The following NFX1 variants were observed in gnomAD, a reference collection of about 807,000 sequenced individuals.
NFX1 encodes the protein nuclear transcription factor, X-box binding 1.
NFX1 carries 69 observed loss-of-function variants against 137.2 expected under a neutral mutation model. That is an observed-to-expected ratio of 0.50 (90% CI 0.41 to 0.61). NFX1 has a LOEUF of 0.61. Among genes scored for constraint, NFX1 ranks in the 20% least tolerant of loss-of-function variants. The pLI, the probability that NFX1 is intolerant of heterozygous loss-of-function variation, is 0.00. For missense variants in NFX1, 1,167 were observed against 1,391.0 expected, an observed-to-expected ratio of 0.84 and a Z score of 2.56; for synonymous variants, 495 against 474.1, an observed-to-expected ratio of 1.04 and a Z score of -0.57.
intron 4 of NFX1, among the ~76,000 whole-genome samples, chr9:33,306,917 G>A (rs1298731340): frequency 2.6e-5 from 4 of 151,960 alleles, no homozygotes; most frequent in South Asian, 2.1e-4. Flanking sequence ...TAAATTAAAC[G>A]TTTCCATTAG....
chr9:33,361,441 G>A (rs184515498), intron 19 of NFX1, among the ~76,000 whole-genome samples: 17 of 151,998 alleles, frequency 1.1e-4, no homozygotes, highest in African/African-American at 4.1e-4. Context: ...TTTTGGGGGG[G>A]TGAGACAATT....
intron 4 of NFX1, among the ~76,000 whole-genome samples, chr9:33,304,096 G>A (rs956637312): frequency 6.6e-6 from 1 of 152,050 alleles, no homozygotes; most frequent in Non-Finnish European, 1.5e-5. Context: ...GTGAAACCCC[G>A]TCTCTACTAA....
chr9:33,347,620 A>C (rs1823473295), intron 15 of NFX1: 1 of 333,664 alleles, frequency 3.0e-6, no homozygotes, highest in Non-Finnish European at 6.0e-6. Context: ...AAAACTGTGG[A>C]GATTCCTTAA....
intron 11 of NFX1, among the ~76,000 whole-genome samples, chr9:33,336,521 G>C (rs1487886059): frequency 6.6e-6 from 1 of 151,856 alleles, no homozygotes; most frequent in Non-Finnish European, 1.5e-5. Flanking sequence ...CCATTTTTGG[G>C]GCTTTTTAAA....
At chr9:33,336,892 A>G (rs927013562) in intron 11 of NFX1, among the ~76,000 whole-genome samples, 7 of 152,204 alleles carry the variant, frequency 4.6e-5, no homozygotes, top group Non-Finnish European at 1.0e-4. Context: ...ACTTGAGGTC[A>G]GGAGTTCAAG....
In NFX1 at chr9:33,295,096, A is replaced by G; in HGVS notation, c.702A>G (p.Arg234=). 6.2e-7 allele frequency: 1 copy of G among 1,614,144 alleles called. No individual in the cohort carries two copies. The highest frequency in any genetic ancestry group is 8.5e-7 in the Non-Finnish European group (1 of 1,180,022). Residue 234 remains arginine, a synonymous_variant, in exon 2 of 24, where the codon AGA becomes AGG. Coordinates refer to ENST00000379540, the MANE Select transcript of NFX1 (RefSeq NM_002504.6). The part of the protein sequence containing the change: ...RKGVLDGYGA[R]RNEQRRYPQK... ...GAGTATTGGATGGGTATGGAGCCAG[A>G]CGAAATGAGCAGAGAAGATACCCAC...
At chr9:33,344,845 A>G (rs1233307661) in intron 14 of NFX1, among the ~76,000 whole-genome samples, 1 of 150,952 alleles carries the variant, frequency 6.6e-6, no homozygotes, top group Non-Finnish European at 1.5e-5. Context: ...CAGCCTGGCG[A>G]CAGACCAAGA....
intron 15 of NFX1, 79 bp downstream of exon 15, chr9:33,347,196 G>A (rs949665455): frequency 1.9e-5 from 21 of 1,099,200 alleles, no homozygotes; most frequent in Middle Eastern, 2.0e-4. Flanking sequence ...TAGTCTCATC[G>A]TCTGTCAAAG....
chr9:33,345,707 T>C (rs1237068322), intron 14 of NFX1, among the ~76,000 whole-genome samples: 2 of 152,164 alleles, frequency 1.3e-5, no homozygotes, highest in Non-Finnish European at 2.9e-5. Flanking sequence ...CTTGTAAGTA[T>C]TTTTTTACAA....
Position 33,354,835 on chromosome 9 carries a change from TC to T in NFX1, c.2832-15del, listed in dbSNP as rs1385377777. On this transcript the variant is annotated splice_polypyrimidine_tract_variant and intron_variant, in intron 18 of 23. Transcript: ENST00000379540. ...TCTGTATTCTGACTTTAATTTTTTTTCATTTGCTTATCAAGGCTGGAGTGTG... is the reference window on the plus strand; with the variant it reads ...TCTGTATTCTGACTTTAATTTTTTTTATTTGCTTATCAAGGCTGGAGTGTG... 4 of 1,611,688 alleles carry T rather than the reference TC, an allele frequency of 2.5e-6. No individual in the cohort carries two copies. In the Admixed American group the frequency reaches 5.0e-5, roughly 20 times the overall value.
intron 7 of NFX1, among the ~76,000 whole-genome samples, chr9:33,315,617 G>A (rs886817280): frequency 6.6e-6 from 1 of 151,828 alleles, no homozygotes; most frequent in African/African-American, 2.4e-5. Flanking sequence ...TGGCTAGATT[G>A]GCCTGGGCAC....
intron 5 of NFX1, 147 bp from the exon 6 acceptor site, chr9:33,310,959 A>G (rs1821939298): frequency 1.6e-6 from 1 of 641,898 alleles, no homozygotes; most frequent in Non-Finnish European, 2.7e-6. Context: ...TCTTTGTTCA[A>G]ATAGTTTAAT....
chr9:33,328,930 C>T (rs67399088), intron 10 of NFX1, among the ~76,000 whole-genome samples: 5,918 of 152,266 alleles, frequency 0.039, 171 homozygotes, highest in Non-Finnish European at 0.055. Flanking sequence ...AGAGGAAACA[C>T]AGTCCATATG....
intron 9 of NFX1, among the ~76,000 whole-genome samples, chr9:33,321,769 CTTGGG>C (rs1410186554): frequency 6.6e-6 from 1 of 151,668 alleles, no homozygotes; most frequent in Non-Finnish European, 1.5e-5. Flanking sequence ...GTCCCAGCTA[CTTGGG>C]AGGCTGAGGC....
At chr9:33,316,310 C>G (rs966137859) in intron 7 of NFX1, among the ~76,000 whole-genome samples, 1 of 150,660 alleles carries the variant, frequency 6.6e-6, no homozygotes. Context: ...ACTTACCAAG[C>G]CTTTTTTTTT....
In NFX1 at chr9:33,323,178, A is replaced by G. The variant is rs576105699; in HGVS notation, c.1906+4051A>G. 3.3e-5 allele frequency among the ~76,000 whole-genome samples: 5 copies of G among 152,324 alleles called. No homozygotes were observed. The South Asian group carries it at 1.0e-3, about 32-fold the overall frequency. ...CAGTTTGTACCCCTAAGGTTGTGCC[A>G]TCCAAAGAGTGACACCAGCGGCTAC... is the stretch of plus-strand genomic sequence containing the variant. On this transcript the variant is annotated intron_variant, in intron 9 of 23. Coordinates refer to ENST00000379540, the MANE Select transcript of NFX1 (RefSeq NM_002504.6).
chr9:33,355,014 A>C (rs962941726), intron 19 of NFX1, 122 bp downstream of exon 19: 1 of 892,032 alleles, frequency 1.1e-6, no homozygotes, highest in Non-Finnish European at 1.7e-6. Flanking sequence ...CCGTTATCAA[A>C]GAGCAAGAGA....
intron 9 of NFX1, among the ~76,000 whole-genome samples, chr9:33,319,965 CTT>C (rs796293415): frequency 8.6e-5 from 12 of 140,136 alleles, no homozygotes; most frequent in Admixed American, 1.4e-4. Flanking sequence ...CTTTTCTTTT[CTT>C]TTTTTTTTTT....
chr9:33,303,204 T>C lies in NFX1; in HGVS notation c.1206T>C (p.Gly402=). 1 of 1,614,184 alleles carries C rather than the reference T, an allele frequency of 6.2e-7. No individual in the cohort carries two copies. ...TTTTCCTGACAGATGGCCAGAGTGG[T>C]TGGAGGTGCCCTGCCTGTCAGAATG... ...SPASQADGQS[G]WRCPACQNVS... is the part of the protein sequence containing the mutation. Residue 402 remains glycine (G), a synonymous_variant, in exon 4 of 24, where the codon GGT becomes GGC. Transcript: ENST00000379540.
Sources: gnomAD v4.1 joint callset for allele counts (sites outside exome capture counted in the v4.1 genomes callset) on GRCh38, gnomAD v4.1.1 for gene constraint, MANE v1.5 for transcripts, NCBI Gene and HGNC (gene_info 2026-07-23, HGNC 2026-07-21) for gene names.